The following ADCY10 variants were observed in gnomAD, a reference collection of about 807,000 sequenced individuals.
The protein encoded by ADCY10 is adenylate cyclase 10.
Under a neutral mutation model 183.3 loss-of-function variants are expected in ADCY10, and 156 were observed. The ratio of observed to expected loss-of-function variants is 0.85; its 90% CI spans 0.75 to 0.97. The LOEUF is 0.97. ADCY10 is among the 50% of genes least tolerant of loss of function. The pLI, the probability that ADCY10 is intolerant of heterozygous loss-of-function variation, is 0.00. For missense variants in ADCY10, 1,745 were observed against 1,934.3 expected (o/e 0.90, Z 1.84); for synonymous variants, 645 against 670.0 (o/e 0.96, Z 0.58).
rs116510137 is a variant in ADCY10 at position 167,833,038 on chromosome 1, T to C, written c.3542A>G (p.Asn1181Ser). Residue 1181 changes from asparagine (N) to serine (S), a missense_variant, in exon 25 of 33, where the codon AAC (asparagine) becomes AGC (serine). Asn to Ser is a conservative substitution (Grantham distance 46). Transcript: ENST00000367851. The part of the protein sequence containing the change: ...SLFLHIHVEK[N>S]RHFHYVNRQA... ...CCGATTCACATAATGAAAGTGTCTG[T>C]TTTTCTCGACATGGATATGGAGAAA... 3,950 of 1,614,096 alleles carry C rather than the reference T, an allele frequency of 2.4e-3. 69 individuals carry two copies. In the African/African-American group the frequency reaches 0.044, roughly 18 times the overall value.
rs1263169622 is a variant in ADCY10 at position 167,883,615 on chromosome 1, T to A, written c.842A>T (p.Gln281Leu). The change falls in exon 9 of 33, where the codon CAG (glutamine) becomes CTG (leucine). Residue 281 changes from glutamine to leucine, a missense_variant. Transcript: ENST00000367851. ...AAGCTCAGATAAATAGCCCTGAAGC[T>A]GTTTGTTATCAATCTGCAAAGTAGA... is the stretch of plus-strand genomic sequence containing the variant. ...ESILKQIDNK[Q>L]LQGYLSELRP... is the part of the protein sequence containing the mutation. 2 of 1,614,244 alleles carry A rather than the reference T, an allele frequency of 1.2e-6. No homozygotes were observed. The highest frequency in any genetic ancestry group is 2.7e-5 in the African/African-American group (2 of 75,072).
intron 31 of ADCY10, among the ~76,000 whole-genome samples, chr1:167,816,102 T>C (rs1662514032): frequency 2.0e-5 from 3 of 150,998 alleles, no homozygotes; most frequent in South Asian, 2.1e-4. Flanking sequence ...ACATCAGAAA[T>C]ACTTGAAGCA....
At chr1:167,840,366 TA>T (rs1230783587) in intron 21 of ADCY10, among the ~76,000 whole-genome samples, 1 of 81,632 alleles carries the variant, frequency 1.2e-5, no homozygotes, top group Non-Finnish European at 2.3e-5. Flanking sequence ...TTATTATTAC[TA>T]TTTTTTTTGG....
At chr1:167,878,396 C>T (rs756753055) in intron 12 of ADCY10, 50 bp downstream of exon 12, 1 of 1,586,866 alleles carries the variant, frequency 6.3e-7, no homozygotes, top group Non-Finnish European at 8.6e-7. Flanking sequence ...TATCATAATT[C>T]TCCCGCTTCT....
intron 1 of ADCY10, among the ~76,000 whole-genome samples, chr1:167,907,336 C>A (rs1669887331): frequency 1.3e-5 from 2 of 152,172 alleles, no homozygotes; most frequent in African/African-American, 2.4e-5. Flanking sequence ...ATCTCAATGG[C>A]TTGAAATAAC....
chr1:167,853,358 A>T (rs1018816), intron 18 of ADCY10, among the ~76,000 whole-genome samples: 12,890 of 152,038 alleles, frequency 0.085, 1,404 homozygotes, highest in African/African-American at 0.25. Context: ...ACAGAAGATG[A>T]CATTGAAGGT....
At chr1:167,910,710 C>G (rs1670095686) in intron 1 of ADCY10, among the ~76,000 whole-genome samples, 1 of 152,138 alleles carries the variant, frequency 6.6e-6, no homozygotes, top group African/African-American at 2.4e-5. Context: ...CATGGGTGCT[C>G]TGAAGTGGCT....
intron 21 of ADCY10, among the ~76,000 whole-genome samples, chr1:167,839,445 T>G (rs1664456836): frequency 1.3e-5 from 2 of 152,216 alleles, no homozygotes; most frequent in Non-Finnish European, 2.9e-5. Flanking sequence ...TCATGAAGCC[T>G]CCATACTAGT....
At position 167,822,060 on chromosome 1, in the gene ADCY10, C is replaced by T; in HGVS notation, c.4250G>A (p.Gly1417Glu). Residue 1417 changes from glycine to glutamate, a missense_variant, in exon 30 of 33, where the codon GGA becomes GAA. Coordinates refer to ENST00000367851, the MANE Select transcript of ADCY10 (RefSeq NM_018417.6). ...AGAGGAATAAAGTCCCAGGAGGAGT[C>T]CACTGTGGAACTTGAGGATTCTGTT... ...ENNRILKFHS[G>E]LLLGLYSSVA... 6.2e-7 allele frequency: 1 copy of T among 1,605,996 alleles called. No individual in the cohort carries two copies. The highest frequency in any genetic ancestry group is 1.7e-4 in the Middle Eastern group (1 of 6,050).
intron 14 of ADCY10, among the ~76,000 whole-genome samples, chr1:167,862,287 T>C (rs988357878): frequency 6.6e-6 from 1 of 152,200 alleles, no homozygotes; most frequent in Admixed American, 6.5e-5. Flanking sequence ...TTAGTTAAGA[T>C]GAGATCATGC....
At chr1:167,834,336 T>G in intron 23 of ADCY10, 1 of 554,422 alleles carries the variant, frequency 1.8e-6, no homozygotes, top group South Asian at 2.0e-5. Flanking sequence ...ATCTCCACCT[T>G]TCTTCACACT....
intron 23 of ADCY10, 48 bp downstream of exon 23, chr1:167,836,261 C>T: frequency 7.7e-7 from 1 of 1,296,652 alleles, no homozygotes; most frequent in Admixed American, 1.7e-5. Flanking sequence ...GCTCTATGTT[C>T]TATGAATTGT....
At chr1:167,866,997 A>T (rs1166454754) in intron 14 of ADCY10, among the ~76,000 whole-genome samples, 3 of 152,212 alleles carry the variant, frequency 2.0e-5, no homozygotes, top group African/African-American at 7.2e-5. Context: ...GGTGACTTTA[A>T]TCAGTACCAA....
Position 167,880,524 on chromosome 1 carries a change from A to G in ADCY10, c.1106T>C (p.Ile369Thr). Residue 369 changes from isoleucine to threonine, a missense_variant, in exon 10 of 33, where the codon ATA (isoleucine) becomes ACA (threonine). Transcript: ENST00000367851. ...LTHALECAMD[I>T]FDFCSQVHKI... ...GTGGACTTGAGAGCAGAAGTCAAAT[A>G]TATCCATAGCACATTCCAGAGCATG... 6.2e-7 allele frequency: 1 copy of G among 1,614,112 alleles called. No individual in the cohort carries two copies. The highest frequency in any genetic ancestry group is 8.5e-7 in the Non-Finnish European group (1 of 1,179,976).
chr1:167,828,473 CAT>C (rs1468159689), intron 26 of ADCY10, among the ~76,000 whole-genome samples: 7 of 152,166 alleles, frequency 4.6e-5, no homozygotes, highest in African/African-American at 1.4e-4. Context: ...CCAGAGGCAA[CAT>C]ATGTGATACT....
At chr1:167,889,466 C>T (rs575121762) in intron 8 of ADCY10, among the ~76,000 whole-genome samples, 20 of 138,286 alleles carry the variant, frequency 1.4e-4, no homozygotes, top group African/African-American at 4.8e-4. Flanking sequence ...TGTTGTTGAA[C>T]CCAGTTTGCT....
intron 29 of ADCY10, 82 bp downstream of exon 29, chr1:167,822,926 G>T: frequency 1.6e-6 from 2 of 1,241,498 alleles, no homozygotes; most frequent in Non-Finnish European, 2.4e-6. Flanking sequence ...TGGTCCCAAA[G>T]CCCCAACCTG....
At chr1:167,826,158 T>C (rs1558152289) in intron 26 of ADCY10, among the ~76,000 whole-genome samples, 1 of 152,190 alleles carries the variant, frequency 6.6e-6, no homozygotes, top group Non-Finnish European at 1.5e-5. Context: ...AGAGAATTCC[T>C]TTCTTTCTGG....
chr1:167,827,307 A>G (rs1663369831), intron 26 of ADCY10, among the ~76,000 whole-genome samples: 1 of 149,662 alleles, frequency 6.7e-6, no homozygotes, highest in African/African-American at 2.5e-5. Context: ...AGCTGGGACT[A>G]CAGGCGCCCG....
Sources: allele counts gnomAD v4.1 joint callset (sites outside exome capture counted in the v4.1 genomes callset), GRCh38; gene constraint gnomAD v4.1.1; transcripts MANE v1.5; gene names NCBI Gene and HGNC (gene_info 2026-07-23, HGNC 2026-07-21).